LARP1: variants seen among roughly 807,000 people sequenced by gnomAD.
LARP1 encodes the protein La ribonucleoprotein 1, translational regulator.
Under a neutral mutation model 122.7 loss-of-function variants are expected in LARP1, and 36 were observed. The ratio of observed to expected loss-of-function variants is 0.29; its 90% CI spans 0.22 to 0.39. The LOEUF is 0.39. Ranked by LOEUF, LARP1 falls within the 10% of genes least tolerant of loss-of-function variation. LARP1 has a pLI of 1.00. For missense variants in LARP1, 1,040 were observed against 1,403.6 expected (o/e 0.74, Z 4.14); for synonymous variants, 539 against 528.7 (o/e 1.02, Z -0.27).
Position 154,802,034 on chromosome 5 carries a change from C to T in LARP1, c.1744C>T (p.Leu582=). The change falls in exon 11 of 19, where the codon CTG becomes TTG. Residue 582 remains leucine (L), a synonymous_variant. Coordinates refer to ENST00000518297, the MANE Select transcript of LARP1 (RefSeq NM_033551.3). This position sits in a 1 kb window ranked among gnomAD's most constrained non-coding sequence, Gnocchi z 5.1. ...GTCAGAGGAGTCCAGATTTTCCCAC[C>T]TGACCTCTCTGCCTCAGCAGCTGCC... is the stretch of plus-strand genomic sequence containing the variant. The part of the protein sequence containing the change: ...KKSEESRFSH[L]TSLPQQLPSQ... 1 of 1,613,520 alleles carries T rather than the reference C, an allele frequency of 6.2e-7. No homozygotes were observed. Among genetic ancestry groups the T allele is most frequent in the Non-Finnish European group, 8.5e-7 (1 of 1,179,740 alleles).
At chr5:154,726,596 T>A (rs986200457) in intron 1 of LARP1, among the ~76,000 whole-genome samples, 4 of 152,352 alleles carry the variant, frequency 2.6e-5, no homozygotes, top group African/African-American at 4.8e-5. Context: ...AATGAAAATT[T>A]AAGCCTCAAA....
chr5:154,789,921 G>C (rs917890761), intron 1 of LARP1, among the ~76,000 whole-genome samples: 1 of 152,154 alleles, frequency 6.6e-6, no homozygotes, highest in African/African-American at 2.4e-5. Flanking sequence ...CTTCTAGAAT[G>C]TTAGGGCCAG....
intron 14 of LARP1, chr5:154,804,661 A>C: frequency 2.4e-6 from 1 of 417,332 alleles, no homozygotes. Flanking sequence ...ATGTCTTGGG[A>C]GGCTACTTGA....
intron 8 of LARP1, among the ~76,000 whole-genome samples, chr5:154,796,056 T>TTATATATTTATA (rs1472447683): frequency 8.5e-6 from 1 of 117,620 alleles, no homozygotes; most frequent in African/African-American, 3.4e-5. Context: ...TATTTATATA[T>TTATATATTTATA]TATATATTTA....
At chr5:154,788,981 G>T (rs1757112476) in intron 1 of LARP1, among the ~76,000 whole-genome samples, 1 of 152,076 alleles carries the variant, frequency 6.6e-6, no homozygotes, top group Non-Finnish European at 1.5e-5. Flanking sequence ...GGAGGCTGAG[G>T]CAGGTAGGTT....
upstream of LARP1, among the ~76,000 whole-genome samples, chr5:154,751,963 A>T (rs1753524581): frequency 6.6e-6 from 1 of 152,174 alleles, no homozygotes; most frequent in Admixed American, 6.5e-5. Context: ...TCCCAATTCC[A>T]TCATTTTTTT....
chr5:154,709,115 G>A (rs1755093011), upstream of LARP1, among the ~76,000 whole-genome samples: 1 of 152,176 alleles, frequency 6.6e-6, no homozygotes, highest in African/African-American at 2.4e-5. Context: ...AGAGGAACAC[G>A]TGTCACCTTT....
At chr5:154,765,680 C>T (rs564312802) in intron 1 of LARP1, among the ~76,000 whole-genome samples, 1 of 152,292 alleles carries the variant, frequency 6.6e-6, no homozygotes, top group African/African-American at 2.4e-5. Context: ...AAGCATGAGC[C>T]ACGGCACCTG....
chr5:154,816,870 C>T lies in LARP1; in HGVS notation c.*2774C>T, dbSNP rs1311738699. 1 of 152,284 alleles carries T rather than the reference C, an allele frequency of 6.6e-6. No individual in the cohort carries two copies. Among genetic ancestry groups the T allele is most frequent in the Non-Finnish European group, 1.5e-5 (1 of 68,088 alleles). 9.4% of individuals were successfully genotyped at this position (152,284 alleles called of 1,614,324 possible). On this transcript the variant is annotated 3_prime_UTR_variant, in exon 19 of 19. Transcript: ENST00000518297. ...TGTTAAGGGGCAGGTTTCTCTTTAG[C>T]CCTCTTCCTGCACTTGGGAGCAAAG...
chr5:154,723,122 G>A (rs1418460459), intron 1 of LARP1, among the ~76,000 whole-genome samples: 1 of 152,228 alleles, frequency 6.6e-6, no homozygotes, highest in Non-Finnish European at 1.5e-5. Context: ...CAACTTTCAT[G>A]TTCTGGGCTC....
intron 1 of LARP1, among the ~76,000 whole-genome samples, chr5:154,776,253 T>C (rs1755874206): frequency 1.3e-5 from 2 of 152,208 alleles, no homozygotes; most frequent in Admixed American, 6.5e-5. Flanking sequence ...GACAATTCCC[T>C]TCAGAACCTT....
chr5:154,723,843 G>A (rs1042174008), intron 1 of LARP1, among the ~76,000 whole-genome samples: 6 of 152,120 alleles, frequency 3.9e-5, no homozygotes, highest in African/African-American at 7.2e-5. Flanking sequence ...GAACAAGTGG[G>A]GAGAGAGATG....
intron 1 of LARP1, among the ~76,000 whole-genome samples, chr5:154,789,941 A>G (rs915894986): frequency 6.6e-6 from 1 of 152,196 alleles, no homozygotes; most frequent in East Asian, 1.9e-4. Context: ...GAAATGATCT[A>G]TCAGACATCT....
chr5:154,706,050 C>T (rs1304821831), intron 1 of LARP1, among the ~76,000 whole-genome samples: 2 of 152,082 alleles, frequency 1.3e-5, no homozygotes, highest in East Asian at 1.9e-4. Context: ...AATCCCAGCA[C>T]TTTGGGAGGC....
chr5:154,690,196 C>T (rs1754127898), intron 1 of LARP1, among the ~76,000 whole-genome samples: 1 of 152,074 alleles, frequency 6.6e-6, no homozygotes, highest in African/African-American at 2.4e-5. Flanking sequence ...CTGCCCCTAC[C>T]CCATTGCAGT....
intron 1 of LARP1, among the ~76,000 whole-genome samples, chr5:154,725,176 G>A (rs1756126487): frequency 6.6e-6 from 1 of 152,020 alleles, no homozygotes; most frequent in South Asian, 2.1e-4. Context: ...TGGATCATGA[G>A]GTCAGGAGTT....
At chr5:154,807,626 C>T (rs929370531) in intron 15 of LARP1, among the ~76,000 whole-genome samples, 3 of 152,172 alleles carry the variant, frequency 2.0e-5, no homozygotes, top group African/African-American at 7.2e-5. Context: ...TTATAGCCCA[C>T]TGCAGTCTCG....
intron 1 of LARP1, among the ~76,000 whole-genome samples, chr5:154,779,505 CTTT>C (rs11339301): frequency 3.2e-5 from 4 of 123,188 alleles, no homozygotes; most frequent in Non-Finnish European, 1.7e-5. Context: ...TACATTCTCT[CTTT>C]TTTTTTTTTT....
intron 1 of LARP1, among the ~76,000 whole-genome samples, chr5:154,691,585 G>A (rs1360799975): frequency 6.6e-6 from 1 of 152,152 alleles, no homozygotes; most frequent in African/African-American, 2.4e-5. Flanking sequence ...GGGATCCTGC[G>A]GAGACTCAGC....
Sources: gnomAD v4.1 joint callset for allele counts (sites outside exome capture counted in the v4.1 genomes callset) on GRCh38, gnomAD v4.1.1 for gene constraint, Gnocchi (gnomAD v3.1) non-coding constraint, MANE v1.5 for transcripts, NCBI Gene and HGNC (gene_info 2026-07-23, HGNC 2026-07-21) for gene names.